The following CDC42BPA variants were observed in gnomAD, a reference collection of about 807,000 sequenced individuals.
The protein encoded by CDC42BPA is serine/threonine-protein kinase MRCK alpha.
In CDC42BPA, 80 loss-of-function variants were observed where a neutral mutation model predicts 223.5. That is an observed-to-expected ratio of 0.36 (90% CI 0.30 to 0.43). CDC42BPA has a LOEUF of 0.43. Ranked by LOEUF, CDC42BPA falls within the 20% of genes least tolerant of loss-of-function variation. CDC42BPA has a pLI of 1.00. For missense variants in CDC42BPA, 1,743 were observed against 2,099.9 expected (o/e 0.83, Z 3.32); for synonymous variants, 694 against 718.6 (o/e 0.97, Z 0.55).
At chr1:227,247,395 T>C (rs1209622769) in intron 2 of CDC42BPA, among the ~76,000 whole-genome samples, 1 of 151,094 alleles carries the variant, frequency 6.6e-6, no homozygotes, top group Non-Finnish European at 1.5e-5. Context: ...CTCAGAAGGT[T>C]GAGGCAAGAG....
At chr1:227,151,855 G>A in intron 6 of CDC42BPA, among the ~76,000 whole-genome samples, 1 of 119,196 alleles carries the variant, frequency 8.4e-6, no homozygotes, top group Admixed American at 1.2e-4. Flanking sequence ...GACCAACCTG[G>A]CCAAGAGGTC....
Position 227,072,367 on chromosome 1 carries a change from G to A in CDC42BPA, c.2736-68C>T, listed in dbSNP as rs562836107. On this transcript the variant is annotated intron_variant, in intron 19 of 36. Coordinates refer to ENST00000366766, the MANE Select transcript of CDC42BPA (RefSeq NM_001394014.1). The stretch of plus-strand genomic sequence containing the variant: ...TGCTGGTTAGTGAGCCATCTTGGAT[G>A]TAGCCAAACTTACTTGGTTTAAATG... The A allele has an allele frequency of 4.6e-6, 4 of 870,046 alleles. No homozygotes were observed. The South Asian group carries it at 5.9e-5, about 13-fold the overall frequency. The allele number at this position is 870,046 out of a possible 1,614,324, so 53.9% of individuals were successfully genotyped here.
At position 227,132,529 on chromosome 1, in the gene CDC42BPA, T is replaced by C. The variant is rs1055433815; in HGVS notation, c.1391-3298A>G. On this transcript the variant is annotated intron_variant, in intron 10 of 36. Transcript: ENST00000366766. ...GCCTTGGCCTCCCAAAGAGCCGAGATTGCAGCCTCTGCCTGGCTGCCACCC... is the reference window on the plus strand; with the variant it reads ...GCCTTGGCCTCCCAAAGAGCCGAGACTGCAGCCTCTGCCTGGCTGCCACCC... Among the ~76,000 whole-genome samples, 42 of 138,544 alleles carry C rather than the reference T, an allele frequency of 3.0e-4. 6 individuals are homozygous for C. Among genetic ancestry groups the C allele is most frequent in the East Asian group, 2.1e-3 (10 of 4,726 alleles). 90.9% of individuals were successfully genotyped at this position (138,544 alleles called of 152,430 possible).
Position 227,022,626 on chromosome 1 carries a change from G to T in CDC42BPA, c.4615+637C>A, listed in dbSNP as rs115987073. Among the ~76,000 whole-genome samples, 912 of 152,202 alleles carry T rather than the reference G, an allele frequency of 6.0e-3. 10 individuals are homozygous for T. Among genetic ancestry groups the T allele is most frequent in the African/African-American group, 0.021 (858 of 41,514 alleles). On this transcript the variant is annotated intron_variant, in intron 32 of 36. Transcript: ENST00000366766. ...TTAAAAGTGAGACTTTAACTGTTTG[G>T]ACACCCTGACAGGCAAACAACATTT...
chr1:227,091,209 G>GA (rs899588496), intron 16 of CDC42BPA, among the ~76,000 whole-genome samples: 3 of 151,230 alleles, frequency 2.0e-5, no homozygotes, highest in Non-Finnish European at 4.4e-5. Context: ...ATGAATATAT[G>GA]AAAAAAAAGA....
At chr1:227,256,609 T>C (rs1438023147) in intron 1 of CDC42BPA, among the ~76,000 whole-genome samples, 3 of 151,932 alleles carry the variant, frequency 2.0e-5, no homozygotes, top group Non-Finnish European at 2.9e-5. Context: ...ACCTCTACAA[T>C]AGCTGAATTT....
At position 227,147,379 on chromosome 1, in the gene CDC42BPA, C is replaced by T. The variant is rs1446265258; in HGVS notation, c.874G>A (p.Gly292Arg). 48 of 1,609,884 alleles carry T rather than the reference C, an allele frequency of 3.0e-5. No individual in the cohort carries two copies. The highest frequency in any genetic ancestry group is 3.4e-5 in the Non-Finnish European group (40 of 1,178,324). ...FYAESLVETY[G>R]KIMNHKERFQ... is the part of the protein sequence containing the mutation. ...CTAACTTTGTGGTTCATGATTTTTC[C>T]GTATGTCTCCACCAGCGATTCTGCA... Residue 292 changes from glycine to arginine, a missense_variant, in exon 7 of 37, where the codon GGA becomes AGA. By Grantham distance (125) the Gly-to-Arg change is moderately radical. Around this residue, in one of 6 missense-constraint regions of CDC42BPA, gnomAD observed 321 missense variants for 488.7 expected, o/e 0.66. Coordinates refer to ENST00000366766, the MANE Select transcript of CDC42BPA (RefSeq NM_001394014.1).
intron 30 of CDC42BPA, among the ~76,000 whole-genome samples, chr1:227,026,816 G>A (rs1668349467): frequency 6.6e-6 from 1 of 152,170 alleles, no homozygotes; most frequent in Non-Finnish European, 1.5e-5. Flanking sequence ...GAGAGTGTGT[G>A]TGGGTTTGTG....
chr1:227,134,773 C>G (rs542323908), intron 10 of CDC42BPA, among the ~76,000 whole-genome samples: 1 of 152,202 alleles, frequency 6.6e-6, no homozygotes, highest in African/African-American at 2.4e-5. Flanking sequence ...TCACTTTGCT[C>G]TGTGCAAACG....
Position 227,073,791 on chromosome 1 carries a change from CAT to C in CDC42BPA, c.2735+71_2735+72del, listed in dbSNP as rs1678911472. On this transcript the variant is annotated intron_variant, in intron 19 of 36. Transcript: ENST00000366766. ...CTAAAAGCAAGCAATGGAAACTAAACATGTAACTTCTCTCCAAATAATTATGA... is the reference window on the plus strand; with the variant it reads ...CTAAAAGCAAGCAATGGAAACTAAACGTAACTTCTCTCCAAATAATTATGA... 3 of 1,218,190 alleles carry C rather than the reference CAT, an allele frequency of 2.5e-6. No homozygotes were observed. In the African/African-American group the frequency reaches 4.8e-5, roughly 19 times the overall value. 75.5% of individuals were successfully genotyped at this position (1,218,190 alleles called of 1,614,324 possible).
intron 10 of CDC42BPA, among the ~76,000 whole-genome samples, chr1:227,129,996 A>C (rs1239381338): frequency 6.6e-6 from 1 of 152,202 alleles, no homozygotes; most frequent in East Asian, 1.9e-4. Context: ...AATTTAGCTA[A>C]AATATTTAGT....
intron 21 of CDC42BPA, among the ~76,000 whole-genome samples, chr1:227,063,674 T>C (rs942314136): frequency 6.6e-6 from 1 of 152,096 alleles, no homozygotes; most frequent in African/African-American, 2.4e-5. Context: ...AAACAAGAAT[T>C]GAATGAGCAA....
intron 1 of CDC42BPA, among the ~76,000 whole-genome samples, chr1:227,288,682 C>T (rs1689193604): frequency 6.6e-6 from 1 of 150,800 alleles, no homozygotes; most frequent in African/African-American, 2.4e-5. Context: ...GGTGACAGAC[C>T]AAGACTCGGT....
intron 34 of CDC42BPA, among the ~76,000 whole-genome samples, chr1:227,014,015 T>C (rs1299437117): frequency 6.6e-6 from 1 of 152,126 alleles, no homozygotes; most frequent in East Asian, 1.9e-4. Context: ...ATTTTGTGCC[T>C]GACATCCCAC....
At chr1:227,301,185 TAACTG>T (rs1331045637) in intron 1 of CDC42BPA, among the ~76,000 whole-genome samples, 1 of 152,118 alleles carries the variant, frequency 6.6e-6, no homozygotes, top group African/African-American at 2.4e-5. Flanking sequence ...AACAGAGAAA[TAACTG>T]AAGAAGAAAA....
intron 1 of CDC42BPA, among the ~76,000 whole-genome samples, chr1:227,295,191 C>T (rs538171484): frequency 6.6e-6 from 1 of 151,976 alleles, no homozygotes; most frequent in East Asian, 1.9e-4. Context: ...CTTTTTGATA[C>T]AGGTTCTCAC....
chr1:227,188,420 A>G (rs1162165447), intron 5 of CDC42BPA, among the ~76,000 whole-genome samples: 1 of 152,182 alleles, frequency 6.6e-6, no homozygotes, highest in Non-Finnish European at 1.5e-5. Context: ...GAGGGAAAAA[A>G]AAAAAGCAAT....
At chr1:227,185,476 T>C (rs547657873) in intron 5 of CDC42BPA, among the ~76,000 whole-genome samples, 1 of 152,282 alleles carries the variant, frequency 6.6e-6, no homozygotes, top group East Asian at 1.9e-4. Context: ...CATTTGCATA[T>C]TAAAAAGAGA....
At position 226,994,410 on chromosome 1, in the gene CDC42BPA, C is replaced by T; in HGVS notation, c.5134-11G>A. On this transcript the variant is annotated splice_polypyrimidine_tract_variant and intron_variant, in intron 36 of 36. Coordinates refer to ENST00000366766, the MANE Select transcript of CDC42BPA (RefSeq NM_001394014.1). The surrounding 1 kb of genome is among the most constrained non-coding windows in gnomAD (Gnocchi z 4.0). ...CGGAGAGTCAGAGTCCTGTAAGGCCCAAAGTAAAACATTAATGAGAAGGAG... is the reference window on the plus strand; with the variant it reads ...CGGAGAGTCAGAGTCCTGTAAGGCCTAAAGTAAAACATTAATGAGAAGGAG... 1.3e-6 allele frequency: 2 copies of T among 1,498,290 alleles called. No individual in the cohort carries two copies. Among genetic ancestry groups the T allele is most frequent in the African/African-American group, 1.4e-5 (1 of 71,100 alleles). The allele number at this position is 1,498,290 out of a possible 1,614,324, so 92.8% of individuals were successfully genotyped here.
Sources: allele counts gnomAD v4.1 joint callset (sites outside exome capture counted in the v4.1 genomes callset), GRCh38; gene constraint gnomAD v4.1.1; regional missense constraint gnomAD v4.1.1; non-coding constraint Gnocchi (gnomAD v3.1); transcripts MANE v1.5; gene names NCBI Gene and HGNC (gene_info 2026-07-23, HGNC 2026-07-21).